The following HACL1 variants were observed in gnomAD, a reference collection of about 807,000 sequenced individuals.
The protein encoded by HACL1 is 2-hydroxyacyl-CoA lyase 1.
HACL1 carries 64 observed loss-of-function variants against 74.2 expected under a neutral mutation model. The observed-to-expected ratio is 0.86, with a 90% CI of 0.70 to 1.06. The LOEUF (loss-of-function observed/expected upper bound fraction) is 1.06. HACL1 is among the 50% of genes least tolerant of loss of function. The pLI is 0.00. For synonymous variants in HACL1, 230 were observed against 238.8 expected (o/e 0.96, Z 0.34); for missense variants, 728 against 719.7 (o/e 1.01, Z -0.13).
rs775061545 is a variant in HACL1, at chr3:15,601,354, G to A, written c.81+29C>T. On this transcript the variant is annotated intron_variant, in intron 1 of 16. Transcript: ENST00000321169. The stretch of plus-strand genomic sequence containing the variant: ...GCGGTCCCCGCCAGCTTCCGTAGGA[G>A]CCTTTCATTCCAGGAAGGTCCATCG... 1.6e-5 allele frequency: 26 copies of A among 1,613,250 alleles called. No homozygotes were observed. In the African/African-American group the frequency reaches 3.3e-4, roughly 21 times the overall value.
chr3:15,564,953 T>C (rs1335646282), intron 14 of HACL1, among the ~76,000 whole-genome samples: 3 of 151,956 alleles, frequency 2.0e-5, no homozygotes, highest in Non-Finnish European at 4.4e-5. Flanking sequence ...GATCACAAGG[T>C]CAGGAGTTCA....
chr3:15,579,500 A>T (rs1231251306), intron 9 of HACL1, among the ~76,000 whole-genome samples: 1 of 152,230 alleles, frequency 6.6e-6, no homozygotes, highest in Non-Finnish European at 1.5e-5. Context: ...ATGAAGGTTG[A>T]CATAGAAAAA....
At chr3:15,568,033 T>C (rs1472838207) in intron 13 of HACL1, 31 bp from the exon 14 acceptor site, 15 of 1,606,578 alleles carry the variant, frequency 9.3e-6, no homozygotes, top group Non-Finnish European at 1.2e-5. Context: ...AATGAAACCC[T>C]CTGGGGCATG....
At chr3:15,565,603 G>C (rs1396086937) in intron 14 of HACL1, among the ~76,000 whole-genome samples, 3 of 152,186 alleles carry the variant, frequency 2.0e-5, no homozygotes, top group African/African-American at 7.2e-5. Flanking sequence ...TAATTTCCAA[G>C]GGCAAGTGGT....
intron 11 of HACL1, among the ~76,000 whole-genome samples, chr3:15,572,283 G>C (rs185081608): frequency 6.6e-4 from 100 of 152,204 alleles, no homozygotes; most frequent in Admixed American, 1.3e-3. Context: ...GGGAAACATG[G>C]AAGGCTTTTG....
At chr3:15,583,080 G>T in intron 7 of HACL1, 91 bp from the exon 8 acceptor site, 1 of 644,346 alleles carries the variant, frequency 1.6e-6, no homozygotes, top group Non-Finnish European at 2.8e-6. Flanking sequence ...AGAAAAAATA[G>T]TACAATAAAT....
At position 15,589,602 on chromosome 3, in the gene HACL1, C is replaced by T; in HGVS notation, c.319G>A (p.Val107Met). 6.2e-7 allele frequency: 1 copy of T among 1,604,274 alleles called. No individual in the cohort carries two copies. Among genetic ancestry groups the T allele is most frequent in the Non-Finnish European group, 8.5e-7 (1 of 1,171,162 alleles). ...NANMNCWPLL[V>M]IGGSSERNQE... Reference sequence around the variant, plus strand: ...TTTCTTTCAGAGGAACCACCAATCACAAGCAAGGGCCTGAAACAATCATTT... The same window carrying T: ...TTTCTTTCAGAGGAACCACCAATCATAAGCAAGGGCCTGAAACAATCATTT... The change falls in exon 5 of 17, where the codon GTG becomes ATG. Residue 107 changes from valine to methionine, a missense_variant. By Grantham distance (21) the Val-to-Met change is conservative (BLOSUM62 1). Coordinates refer to ENST00000321169, the MANE Select transcript of HACL1 (RefSeq NM_012260.4).
chr3:15,564,335 T>C (rs2063395432), intron 15 of HACL1, among the ~76,000 whole-genome samples: 2 of 152,184 alleles, frequency 1.3e-5, no homozygotes, highest in Non-Finnish European at 2.9e-5. Flanking sequence ...TTTATCTGAG[T>C]CTTCAGTGGC....
chr3:15,600,017 C>T (rs1340170229), intron 2 of HACL1, among the ~76,000 whole-genome samples: 2 of 150,878 alleles, frequency 1.3e-5, no homozygotes, highest in East Asian at 3.8e-4. Context: ...GCAACAGAAA[C>T]TCAAAACCTC....
intron 14 of HACL1, among the ~76,000 whole-genome samples, chr3:15,567,291 A>T (rs796833492): frequency 6.9e-6 from 1 of 145,390 alleles, no homozygotes; most frequent in Non-Finnish European, 1.5e-5. Context: ...GCTCACTGCA[A>T]CCTCCACTTC....
chr3:15,575,260 A>G (rs2063603836), intron 9 of HACL1, among the ~76,000 whole-genome samples, 178 bp from the exon 10 acceptor site: 1 of 152,180 alleles, frequency 6.6e-6, no homozygotes, highest in African/African-American at 2.4e-5. Flanking sequence ...CATTCTATAT[A>G]AATAGTTATC....
At chr3:15,591,733 A>AT (rs2063899150) in intron 3 of HACL1, 53 bp from the exon 4 acceptor site, 1 of 1,159,542 alleles carries the variant, frequency 8.6e-7, no homozygotes, top group Admixed American at 1.9e-5. Flanking sequence ...CAACTGATTC[A>AT]TAACACTTTA....
At position 15,591,744 on chromosome 3, in the gene HACL1, G is replaced by C. The variant is rs946749584; in HGVS notation, c.228-64C>G. ...GTAACAACTGATTCATAACACTTTA[G>C]TGTGAAACATGGCAATCTTGGACTT... On this transcript the variant is annotated intron_variant, in intron 3 of 16. Coordinates refer to ENST00000321169, the MANE Select transcript of HACL1 (RefSeq NM_012260.4). 2.3e-5 allele frequency: 24 copies of C among 1,035,260 alleles called. 1 individual carries two copies. In the Admixed American group the frequency reaches 4.0e-4, roughly 17 times the overall value. The allele number at this position is 1,035,260 out of a possible 1,614,324, so 64.1% of individuals were successfully genotyped here.
intron 6 of HACL1, among the ~76,000 whole-genome samples, 174 bp from the exon 7 acceptor site, chr3:15,585,516 A>T (rs918401182): frequency 2.6e-5 from 4 of 152,136 alleles, no homozygotes; most frequent in African/African-American, 9.7e-5. Context: ...ACATTTTTAA[A>T]GATTTTTTGT....
intron 5 of HACL1, among the ~76,000 whole-genome samples, chr3:15,588,680 C>G (rs1365288813): frequency 6.6e-5 from 10 of 152,156 alleles, no homozygotes; most frequent in Admixed American, 5.2e-4. Context: ...AACATTTGGG[C>G]TCCAGCAATT....
chr3:15,592,054 A>T (rs1329986247), intron 3 of HACL1, among the ~76,000 whole-genome samples: 1 of 27,656 alleles, frequency 3.6e-5, no homozygotes, highest in Non-Finnish European at 6.4e-5. Context: ...CACACTATAT[A>T]CGTATATATA....
intron 7 of HACL1, among the ~76,000 whole-genome samples, chr3:15,584,606 C>G (rs1041318696): frequency 1.9e-4 from 29 of 151,972 alleles, no homozygotes; most frequent in African/African-American, 6.5e-4. Flanking sequence ...AAAAAAATCA[C>G]TCTTTGGTAC....
chr3:15,563,359 T>C lies in HACL1; in HGVS notation c.1703A>G (p.Gln568Arg), dbSNP rs2063377973. 7.5e-6 allele frequency: 12 copies of C among 1,609,340 alleles called. No individual in the cohort carries two copies. The highest frequency in any genetic ancestry group is 1.0e-5 in the Non-Finnish European group (12 of 1,176,238). The change falls in exon 16 of 17, where the codon CAG (glutamine) becomes CGG (arginine). Residue 568 changes from glutamine to arginine, a missense_variant and splice_region_variant. Physicochemically the swap from Gln to Arg is conservative, Grantham distance 43. Transcript: ENST00000321169. ...MIEPQATRKAQDFHWLTRSNM is the reference protein window; with the variant it reads ...MIEPQATRKARDFHWLTRSNM ...TTTCTGCTTAGCAACTGTATTTACC[T>C]GGGCCTTCCGTGTGGCTTGTGGCTC...
chr3:15,577,574 T>C lies in HACL1; in HGVS notation c.803+2336A>G, dbSNP rs146810964. Reference sequence around the variant, plus strand: ...GCGAGGCCTAGAAGGGTGGATTCCTTGAGCCCAGGAGATCAAGACCAGCAT... The same window carrying C: ...GCGAGGCCTAGAAGGGTGGATTCCTCGAGCCCAGGAGATCAAGACCAGCAT... On this transcript the variant is annotated intron_variant, in intron 9 of 16. Transcript: ENST00000321169. Among the ~76,000 whole-genome samples the C allele has an allele frequency of 9.2e-5, 14 of 151,720 alleles. 1 individual carries two copies. Among genetic ancestry groups the C allele is most frequent in the South Asian group, 6.3e-4 (3 of 4,796 alleles).
Sources: gnomAD v4.1 joint callset for allele counts (sites outside exome capture counted in the v4.1 genomes callset) on GRCh38, gnomAD v4.1.1 for gene constraint, MANE v1.5 for transcripts, NCBI Gene and HGNC (gene_info 2026-07-23, HGNC 2026-07-21) for gene names.